Variants in NUBPL observed in about 807,000 individuals in gnomAD.
NUBPL encodes the protein iron-sulfur cluster transfer protein NUBPL.
A neutral mutation model predicts 45.7 loss-of-function variants in NUBPL; 31 were observed. The ratio of observed to expected loss-of-function variants is 0.68; its 90% CI spans 0.51 to 0.92. The LOEUF (loss-of-function observed/expected upper bound fraction) is 0.92, where lower values mean the gene tolerates loss of function less well. Ranked by LOEUF, NUBPL falls within the 40% of genes least tolerant of loss-of-function variation. The pLI is 0.00. For missense variants in NUBPL, 401 were observed against 398.7 expected, an observed-to-expected ratio of 1.01 and a Z score of -0.05; for synonymous variants, 144 against 140.9, an observed-to-expected ratio of 1.02 and a Z score of -0.15.
At chr14:31,636,465 T>C (rs992326811) in intron 4 of NUBPL, among the ~76,000 whole-genome samples, 4 of 146,968 alleles carry the variant, frequency 2.7e-5, no homozygotes, top group Admixed American at 2.0e-4. Context: ...TAGATAAGCT[T>C]TTTGATGTGC....
At chr14:31,785,962 C>T (rs1163352383) in intron 6 of NUBPL, among the ~76,000 whole-genome samples, 2 of 151,892 alleles carry the variant, frequency 1.3e-5, no homozygotes, top group African/African-American at 4.8e-5. Flanking sequence ...AGTTTAAGAC[C>T]AGCTTGGCAA....
At chr14:31,583,556 C>G (rs1385277552) in intron 3 of NUBPL, among the ~76,000 whole-genome samples, 1 of 152,252 alleles carries the variant, frequency 6.6e-6, no homozygotes, top group East Asian at 1.9e-4. Context: ...GAAGACTTCC[C>G]CCAGTGAGTA....
intron 6 of NUBPL, among the ~76,000 whole-genome samples, chr14:31,680,186 C>T (rs2036796861): frequency 6.6e-6 from 1 of 152,062 alleles, no homozygotes; most frequent in Non-Finnish European, 1.5e-5. Flanking sequence ...AATAAAACAG[C>T]TTAATTTCTT....
At chr14:31,769,662 TA>T (rs397972624) in intron 6 of NUBPL, among the ~76,000 whole-genome samples, 11 of 149,126 alleles carry the variant, frequency 7.4e-5, no homozygotes, top group Non-Finnish European at 1.5e-4. Flanking sequence ...TCCTTTTTTT[TA>T]AAAAAAAAAG....
At chr14:31,590,714 G>C (rs1283610330) in intron 3 of NUBPL, among the ~76,000 whole-genome samples, 1 of 152,090 alleles carries the variant, frequency 6.6e-6, no homozygotes, top group African/African-American at 2.4e-5. Context: ...TTTGATTCTG[G>C]CAACAAATGA....
intron 6 of NUBPL, among the ~76,000 whole-genome samples, chr14:31,701,518 A>G (rs974898999): frequency 4.6e-5 from 7 of 152,352 alleles, no homozygotes; most frequent in African/African-American, 1.7e-4. Flanking sequence ...GCTCTTCGCA[A>G]TAAATCTTGC....
At chr14:31,668,251 C>G (rs1383360939) in intron 4 of NUBPL, among the ~76,000 whole-genome samples, 2 of 152,188 alleles carry the variant, frequency 1.3e-5, no homozygotes, top group Admixed American at 1.3e-4. Flanking sequence ...TTCAGAGATT[C>G]CCTGCCCAGT....
intron 6 of NUBPL, among the ~76,000 whole-genome samples, chr14:31,731,783 C>T (rs1463487710): frequency 6.6e-6 from 1 of 152,098 alleles, no homozygotes; most frequent in Non-Finnish European, 1.5e-5. Flanking sequence ...CTTTTCTAGC[C>T]TTCCTCAGAA....
rs570613758 is a variant in NUBPL, at chr14:31,638,169, A to G, written c.383-35186A>G. Among the ~76,000 whole-genome samples the G allele has an allele frequency of 2.1e-3, 322 of 150,238 alleles. 1 individual carries two copies. Among genetic ancestry groups the G allele is most frequent in the African/African-American group, 7.4e-3 (304 of 40,874 alleles). On this transcript the variant is annotated intron_variant, in intron 4 of 10. Transcript: ENST00000281081. ...CTTATTTTGCTTGTTAGTTGATGCA[A>G]TTTCTTCCTAGTCTCGATGGTCTTT...
intron 7 of NUBPL, among the ~76,000 whole-genome samples, chr14:31,814,014 T>C (rs2039867224): frequency 6.6e-6 from 1 of 152,222 alleles, no homozygotes; most frequent in African/African-American, 2.4e-5. Flanking sequence ...TGTGTCTTTA[T>C]AGTAGAATGA....
intron 6 of NUBPL, among the ~76,000 whole-genome samples, chr14:31,775,894 C>A (rs1208607980): frequency 1.3e-5 from 2 of 152,010 alleles, no homozygotes; most frequent in East Asian, 3.9e-4. Context: ...TGCATAGGAT[C>A]CTGGGATATT....
chr14:31,786,812 C>G (rs901953608), intron 6 of NUBPL, among the ~76,000 whole-genome samples: 4 of 152,142 alleles, frequency 2.6e-5, no homozygotes, highest in African/African-American at 9.7e-5. Flanking sequence ...GCAGAGTGTT[C>G]TGGAGCTTAA....
intron 8 of NUBPL, among the ~76,000 whole-genome samples, chr14:31,828,652 T>A (rs753046249): frequency 2.0e-5 from 3 of 152,216 alleles, no homozygotes; most frequent in Non-Finnish European, 4.4e-5. Context: ...CAACTGACAC[T>A]GTCATTTGAG....
chr14:31,720,907 A>G (rs980679248), intron 6 of NUBPL, among the ~76,000 whole-genome samples: 9 of 152,214 alleles, frequency 5.9e-5, no homozygotes, highest in East Asian at 3.8e-4. Flanking sequence ...TAAAGTTTCC[A>G]TAACCCTTAC....
At chr14:31,808,968 A>G (rs1156858555) in intron 7 of NUBPL, among the ~76,000 whole-genome samples, 1 of 152,152 alleles carries the variant, frequency 6.6e-6, no homozygotes, top group African/African-American at 2.4e-5. Context: ...GGATGAATCC[A>G]ACTTGATCAT....
Position 31,860,388 on chromosome 14 carries a change from C to A in NUBPL, c.*1208C>A, listed in dbSNP as rs568528619. On this transcript the variant is annotated 3_prime_UTR_variant, in exon 11 of 11. Transcript: ENST00000281081. ...CTTTTTTTGGCCATGAAATCCACCA[C>A]CCCCCTCCTTTTTCAGAGCATTTCA... The A allele has an allele frequency of 2.0e-5, 3 of 151,540 alleles. No homozygotes were observed. Among genetic ancestry groups the A allele is most frequent in the Non-Finnish European group, 4.4e-5 (3 of 67,956 alleles). 9.4% of individuals were successfully genotyped at this position (151,540 alleles called of 1,614,324 possible). A position where few individuals can be genotyped will look rare whatever the true frequency, so the allele number is the denominator to read the frequency against.
chr14:31,579,405 C>T (rs1338171096), intron 3 of NUBPL, among the ~76,000 whole-genome samples: 1 of 152,140 alleles, frequency 6.6e-6, no homozygotes, highest in Non-Finnish European at 1.5e-5. Flanking sequence ...GGCCAAGAAA[C>T]GTTAATGAAA....
intron 3 of NUBPL, among the ~76,000 whole-genome samples, chr14:31,589,861 G>A (rs573570036): frequency 6.6e-6 from 1 of 152,250 alleles, no homozygotes; most frequent in African/African-American, 2.4e-5. Flanking sequence ...GCTGTTGGCT[G>A]GATGTTTCCT....
chr14:31,788,703 G>T (rs1013982244), intron 7 of NUBPL, among the ~76,000 whole-genome samples: 2 of 152,102 alleles, frequency 1.3e-5, no homozygotes, highest in East Asian at 1.9e-4. Flanking sequence ...CAATTACTGG[G>T]CATCTTAAGG....
Sources: allele counts gnomAD v4.1 joint callset (sites outside exome capture counted in the v4.1 genomes callset), GRCh38; gene constraint gnomAD v4.1.1; transcripts MANE v1.5; gene names NCBI Gene and HGNC (gene_info 2026-07-23, HGNC 2026-07-21).